Variants in SEZ6L observed in about 807,000 individuals in gnomAD.
The protein encoded by SEZ6L is seizure related 6 homolog like, also known as seizure 6-like protein.
Under a neutral mutation model 106.2 loss-of-function variants are expected in SEZ6L, and 37 were observed. The ratio of observed to expected loss-of-function variants is 0.35; its 90% CI spans 0.27 to 0.46. The LOEUF (loss-of-function observed/expected upper bound fraction) is 0.46, where lower values mean the gene tolerates loss of function less well. Among genes scored for constraint, SEZ6L ranks in the 20% least tolerant of loss-of-function variants. SEZ6L has a pLI of 1.00. For synonymous variants in SEZ6L, 541 were observed against 570.4 expected (o/e 0.95, Z 0.73); for missense variants, 1,172 against 1,332.8 (o/e 0.88, Z 1.88).
At chr22:26,344,597 A>G (rs953492524) in intron 10 of SEZ6L, among the ~76,000 whole-genome samples, 2 of 152,200 alleles carry the variant, frequency 1.3e-5, no homozygotes, top group African/African-American at 4.8e-5. Flanking sequence ...CATTCAGTGC[A>G]TTTGTGCATT....
intron 10 of SEZ6L, 21 bp downstream of exon 10, chr22:26,340,653 A>G (rs2082800284): frequency 2.5e-6 from 4 of 1,588,790 alleles, no homozygotes; most frequent in South Asian, 1.1e-5. Flanking sequence ...CATCTGGTCA[A>G]TTTATTTTTT....
chr22:26,288,924 A>C (rs903933601), intron 1 of SEZ6L, among the ~76,000 whole-genome samples: 9 of 151,948 alleles, frequency 5.9e-5, no homozygotes, highest in Non-Finnish European at 1.0e-4. Context: ...CCAAAAAAAA[A>C]CCCCCAACAT....
intron 9 of SEZ6L, among the ~76,000 whole-genome samples, chr22:26,328,809 G>A (rs1021931377): frequency 6.6e-6 from 1 of 152,154 alleles, no homozygotes; most frequent in African/African-American, 2.4e-5. Flanking sequence ...AAGAAAAGAA[G>A]AAAGGCCATG....
chr22:26,320,337 C>A (rs1385876100), intron 9 of SEZ6L, among the ~76,000 whole-genome samples: 1 of 152,024 alleles, frequency 6.6e-6, no homozygotes, highest in Non-Finnish European at 1.5e-5. Flanking sequence ...ATGACGGAAC[C>A]ACAGACAGGC....
At chr22:26,217,007 G>A (rs1235713243) in intron 1 of SEZ6L, among the ~76,000 whole-genome samples, 1 of 152,152 alleles carries the variant, frequency 6.6e-6, no homozygotes, top group South Asian at 2.1e-4. Context: ...CACCCCTGAG[G>A]ATTAAATGGG....
At chr22:26,282,670 G>A (rs2080810081) in intron 1 of SEZ6L, among the ~76,000 whole-genome samples, 1 of 152,200 alleles carries the variant, frequency 6.6e-6, no homozygotes, top group Non-Finnish European at 1.5e-5. Context: ...AAGCTCGAGA[G>A]TACCTCAAAA....
chr22:26,238,199 C>T (rs2079008492), intron 1 of SEZ6L, among the ~76,000 whole-genome samples: 1 of 152,140 alleles, frequency 6.6e-6, no homozygotes, highest in Admixed American at 6.6e-5. Flanking sequence ...GCTGTGGGCC[C>T]CATGCAGTTG....
At position 26,369,344 on chromosome 22, in the gene SEZ6L, TTG is replaced by T. The variant is rs747527450; in HGVS notation, c.2794+3780_2794+3781del. Among the ~76,000 whole-genome samples the T allele has an allele frequency of 1.3e-4, 11 of 83,296 alleles. 1 individual carries two copies. Among genetic ancestry groups the T allele is most frequent in the Admixed American group, 1.2e-4 (1 of 8,072 alleles). 54.6% of individuals were successfully genotyped at this position (83,296 alleles called of 152,430 possible). A position where few individuals can be genotyped will look rare whatever the true frequency, so the allele number is the denominator to read the frequency against. On this transcript the variant is annotated intron_variant, in intron 13 of 16. Coordinates refer to ENST00000248933, the MANE Select transcript of SEZ6L (RefSeq NM_021115.5). Reference sequence around the variant, plus strand: ...ACAATGACTTATATAAGCAGTTCTTTTGTTTTTTTTTTTGAGACAGATTCTCG... The same window carrying T: ...ACAATGACTTATATAAGCAGTTCTTTTTTTTTTTTTTGAGACAGATTCTCG...
At chr22:26,260,126 T>G (rs950120761) in intron 1 of SEZ6L, among the ~76,000 whole-genome samples, 1 of 152,148 alleles carries the variant, frequency 6.6e-6, no homozygotes, top group Non-Finnish European at 1.5e-5. Context: ...CAACAAACAT[T>G]TACTTTTTAA....
intron 10 of SEZ6L, among the ~76,000 whole-genome samples, chr22:26,343,970 G>A (rs990550743): frequency 6.6e-6 from 1 of 152,232 alleles, no homozygotes; most frequent in Non-Finnish European, 1.5e-5. Context: ...TGATTGATTA[G>A]TGATGCCTGC....
At chr22:26,257,718 T>TGG (rs1244022650) in intron 1 of SEZ6L, among the ~76,000 whole-genome samples, 1 of 152,126 alleles carries the variant, frequency 6.6e-6, no homozygotes, top group Admixed American at 6.5e-5. Context: ...CTATCTCCAT[T>TGG]ACTCCAGCCT....
intron 1 of SEZ6L, among the ~76,000 whole-genome samples, chr22:26,289,215 C>T (rs562555718): frequency 1.1e-4 from 17 of 152,314 alleles, no homozygotes; most frequent in African/African-American, 3.6e-4. Context: ...TGTTGTACCA[C>T]AGCTGGGTCT....
chr22:26,182,669 T>C (rs911542348), intron 1 of SEZ6L, among the ~76,000 whole-genome samples: 4 of 151,954 alleles, frequency 2.6e-5, no homozygotes, highest in Admixed American at 6.5e-5. Context: ...ATGATCCCCA[T>C]AGAGAAAACA....
At chr22:26,195,188 C>CA (rs1341136324) in intron 1 of SEZ6L, among the ~76,000 whole-genome samples, 5 of 152,202 alleles carry the variant, frequency 3.3e-5, no homozygotes, top group African/African-American at 7.2e-5. Flanking sequence ...CGTGCCACCT[C>CA]AAACTCTCAA....
intron 1 of SEZ6L, among the ~76,000 whole-genome samples, chr22:26,175,028 C>T (rs890100630): frequency 1.3e-5 from 2 of 152,300 alleles, no homozygotes; most frequent in Admixed American, 6.5e-5. Flanking sequence ...AGTCCAGCCT[C>T]AGATCCAGGC....
intron 2 of SEZ6L, among the ~76,000 whole-genome samples, chr22:26,293,717 A>C (rs2145886327): frequency 6.6e-6 from 1 of 152,222 alleles, no homozygotes; most frequent in East Asian, 1.9e-4. Flanking sequence ...AAGATTCAAA[A>C]CCTTTTCATC....
chr22:26,311,717 T>C, intron 7 of SEZ6L, 51 bp from the exon 8 acceptor site: 1 of 1,505,568 alleles, frequency 6.6e-7, no homozygotes. Context: ...TATAGCACCG[T>C]GGGGTAGTCC....
At chr22:26,245,779 A>G (rs1329655527) in intron 1 of SEZ6L, among the ~76,000 whole-genome samples, 1 of 152,050 alleles carries the variant, frequency 6.6e-6, no homozygotes, top group African/African-American at 2.4e-5. Context: ...TCAGATGGGG[A>G]TGCTGGCTCT....
chr22:26,220,138 G>A (rs2078420702), intron 1 of SEZ6L, among the ~76,000 whole-genome samples: 1 of 152,152 alleles, frequency 6.6e-6, no homozygotes, highest in Non-Finnish European at 1.5e-5. Flanking sequence ...CCTACTCACA[G>A]TGAGACCCCA....
Sources: allele counts gnomAD v4.1 joint callset (sites outside exome capture counted in the v4.1 genomes callset), GRCh38; gene constraint gnomAD v4.1.1; transcripts MANE v1.5; gene names NCBI Gene and HGNC (gene_info 2026-07-23, HGNC 2026-07-21).